WDPCP: variants seen among roughly 807,000 people sequenced by gnomAD.
WDPCP encodes WD repeat-containing and planar cell polarity effector protein fritz homolog.
Under a neutral mutation model 93.1 loss-of-function variants are expected in WDPCP, and 71 were observed. That is an observed-to-expected ratio of 0.76 (90% CI 0.63 to 0.93). The LOEUF (loss-of-function observed/expected upper bound fraction) is 0.93, where lower values mean the gene tolerates loss of function less well. Ranked by LOEUF, WDPCP falls within the 40% of genes least tolerant of loss-of-function variation. The pLI, the probability that WDPCP is intolerant of heterozygous loss-of-function variation, is 0.00. For synonymous variants in WDPCP, 315 were observed against 315.0 expected, an observed-to-expected ratio of 1.00 and a Z score of 0.00; for missense variants, 844 against 887.4, an observed-to-expected ratio of 0.95 and a Z score of 0.62.
intron 12 of WDPCP, among the ~76,000 whole-genome samples, chr2:63,342,718 AATT>A (rs1282907435): frequency 3.9e-5 from 6 of 152,180 alleles, no homozygotes. Flanking sequence ...CATAGGTTTT[AATT>A]ATTGTTTCAT....
At chr2:63,525,457 T>C (rs1400862114) in intron 1 of WDPCP, among the ~76,000 whole-genome samples, 3 of 152,240 alleles carry the variant, frequency 2.0e-5, no homozygotes, top group Non-Finnish European at 2.9e-5. Flanking sequence ...ATTGCTTCTT[T>C]TGGATAGTGA....
intron 2 of WDPCP, among the ~76,000 whole-genome samples, chr2:63,763,349 C>T (rs778645561): frequency 2.6e-5 from 4 of 151,724 alleles, no homozygotes; most frequent in Non-Finnish European, 5.9e-5. Context: ...ACTAAAAATA[C>T]AAAAAATTAG....
intron 10 of WDPCP, among the ~76,000 whole-genome samples, chr2:63,397,599 G>A (rs926768186): frequency 1.2e-4 from 18 of 152,318 alleles, no homozygotes; most frequent in African/African-American, 4.3e-4. Flanking sequence ...GCATAAAAAT[G>A]TGATAGAAAG....
At chr2:63,586,220 G>T (rs970098119) in intron 1 of WDPCP, among the ~76,000 whole-genome samples, 4 of 152,166 alleles carry the variant, frequency 2.6e-5, no homozygotes, top group Admixed American at 6.5e-5. Context: ...CTATTTCAGA[G>T]ATTTGAAACT....
chr2:63,135,908 T>A (rs1026080189), intron 17 of WDPCP, among the ~76,000 whole-genome samples: 7 of 151,082 alleles, frequency 4.6e-5, no homozygotes, highest in East Asian at 3.9e-4. Flanking sequence ...TTAAAAAAAA[T>A]TTTTTTTTAG....
intron 13 of WDPCP, among the ~76,000 whole-genome samples, chr2:63,281,530 C>A (rs1030398473): frequency 1.3e-5 from 2 of 152,148 alleles, no homozygotes; most frequent in Non-Finnish European, 2.9e-5. Flanking sequence ...CTTGCACCTG[C>A]ATGTTTATAG....
chr2:63,561,949 A>G (rs948648072), intron 1 of WDPCP, among the ~76,000 whole-genome samples: 9 of 152,234 alleles, frequency 5.9e-5, no homozygotes, highest in East Asian at 3.8e-4. Context: ...AACCACTGTG[A>G]AAAACAGTGT....
chr2:63,588,480 T>C (rs1472762379), upstream of WDPCP: 2 of 647,266 alleles, frequency 3.1e-6, no homozygotes, highest in Non-Finnish European at 5.6e-6. Flanking sequence ...AACTTATCAA[T>C]TCCCCCGCCC....
intron 1 of WDPCP, among the ~76,000 whole-genome samples, chr2:63,541,409 T>G (rs1012784492): frequency 6.6e-6 from 1 of 152,204 alleles, no homozygotes; most frequent in African/African-American, 2.4e-5. Flanking sequence ...TTATACATGG[T>G]TTTTCATTTC....
At chr2:63,710,328 A>T (rs7585588) in intron 2 of WDPCP, among the ~76,000 whole-genome samples, 63,922 of 152,112 alleles carry the variant, frequency 0.42, 15,496 homozygotes, top group African/African-American at 0.67. Context: ...AGCACTTGTG[A>T]CACACAGTTC....
chr2:63,500,999 A>G (rs1471258130), intron 1 of WDPCP, among the ~76,000 whole-genome samples: 1 of 152,172 alleles, frequency 6.6e-6, no homozygotes, highest in East Asian at 1.9e-4. Flanking sequence ...ATGGCATATA[A>G]AGTTCTAAAT....
chr2:63,129,308 T>C (rs1158170677), intron 17 of WDPCP, among the ~76,000 whole-genome samples: 1 of 152,268 alleles, frequency 6.6e-6, no homozygotes, highest in Non-Finnish European at 1.5e-5. Context: ...GTAAAATTGC[T>C]GGATCATATA....
intron 3 of WDPCP, among the ~76,000 whole-genome samples, chr2:63,628,988 G>C (rs1410878338): frequency 1.3e-5 from 2 of 152,112 alleles, no homozygotes; most frequent in African/African-American, 4.8e-5. Context: ...AGTTTCACAG[G>C]GCTTTAGCTT....
chr2:63,302,044 C>T (rs973531757), intron 13 of WDPCP, among the ~76,000 whole-genome samples: 6 of 152,192 alleles, frequency 3.9e-5, no homozygotes, highest in African/African-American at 1.2e-4. Flanking sequence ...GAAGCAACTT[C>T]GAAGGGAACC....
At chr2:63,190,535 C>T (rs533478660) in intron 14 of WDPCP, among the ~76,000 whole-genome samples, 14 of 150,830 alleles carry the variant, frequency 9.3e-5, no homozygotes, top group Non-Finnish European at 1.6e-4. Flanking sequence ...TTGTGTTTTC[C>T]TCAATATAAA....
At chr2:63,155,065 C>T (rs1042023316) in intron 15 of WDPCP, among the ~76,000 whole-genome samples, 6 of 152,164 alleles carry the variant, frequency 3.9e-5, no homozygotes, top group African/African-American at 1.4e-4. Flanking sequence ...ATGTGACTTG[C>T]AAATATTTGC....
At chr2:63,465,221 G>A (rs1024619927) in intron 6 of WDPCP, among the ~76,000 whole-genome samples, 4 of 151,998 alleles carry the variant, frequency 2.6e-5, no homozygotes, top group Non-Finnish European at 4.4e-5. Context: ...AACTTACTGA[G>A]TTCCCATAAT....
chr2:63,437,384 T>C, intron 8 of WDPCP, 37 bp downstream of exon 8: 3 of 1,491,410 alleles, frequency 2.0e-6, no homozygotes, highest in Admixed American at 1.9e-5. Context: ...TATACCTTAA[T>C]AATTAATAAT....
At chr2:63,595,542 G>T (rs1709294496) in intron 3 of WDPCP, 2 of 1,387,888 alleles carry the variant, frequency 1.4e-6, no homozygotes, top group Non-Finnish European at 2.1e-6. Context: ...GTAGAGAAGG[G>T]ATTTTATGGT....
Sources: gnomAD v4.1 joint callset for allele counts (sites outside exome capture counted in the v4.1 genomes callset) on GRCh38, gnomAD v4.1.1 for gene constraint, MANE v1.5 for transcripts, NCBI Gene and HGNC (gene_info 2026-07-23, HGNC 2026-07-21) for gene names.